MYT1L: variants seen among roughly 807,000 people sequenced by gnomAD.
MYT1L encodes the protein myelin transcription factor 1-like protein.
A neutral mutation model predicts 126.7 loss-of-function variants in MYT1L; 12 were observed. The observed-to-expected ratio is 0.09, with a 90% CI of 0.06 to 0.15. The LOEUF is 0.15. Among genes scored for constraint, MYT1L ranks in the 10% least tolerant of loss-of-function variants. MYT1L has a pLI of 1.00. For missense variants in MYT1L, 979 were observed against 1,585.2 expected (o/e 0.62, Z 6.49); for synonymous variants, 541 against 604.2 (o/e 0.90, Z 1.53).
chr2:2,157,840 G>T (rs2086979617), intron 3 of MYT1L, among the ~76,000 whole-genome samples: 1 of 152,118 alleles, frequency 6.6e-6, no homozygotes, highest in African/African-American at 2.4e-5. Flanking sequence ...GCTTTTTGGT[G>T]CAGCAGTCAG....
chr2:2,112,990 GC>G (rs1228194771), intron 3 of MYT1L, among the ~76,000 whole-genome samples: 1 of 152,144 alleles, frequency 6.6e-6, no homozygotes, highest in East Asian at 1.9e-4. Flanking sequence ...TGCTTGGAAG[GC>G]AGCAAGTGCT....
chr2:1,903,094 T>C lies in MYT1L; in HGVS notation c.2018A>G (p.Lys673Arg). The change falls in exon 14 of 25, where the codon AAA becomes AGA. Residue 673 changes from lysine (K) to arginine (R), a missense_variant. By Grantham distance (26) the Lys-to-Arg change is conservative. Transcript: ENST00000647738. ...PKVQTRDISP[K>R]GYDDAKRYCK... is the part of the protein sequence containing the mutation. ...GCACCTCCTACCATCATCATATCCTTTGGGGGATATATCCCTGGTTTGCAC... is the reference window on the plus strand; with the variant it reads ...GCACCTCCTACCATCATCATATCCTCTGGGGGATATATCCCTGGTTTGCAC... The C allele has an allele frequency of 6.2e-7, 1 of 1,613,128 alleles. No homozygotes were observed. The highest frequency in any genetic ancestry group is 8.5e-7 in the Non-Finnish European group (1 of 1,179,094).
At chr2:1,957,563 C>T (rs1280352036) in intron 8 of MYT1L, among the ~76,000 whole-genome samples, 2 of 151,984 alleles carry the variant, frequency 1.3e-5, no homozygotes, top group African/African-American at 4.8e-5. Flanking sequence ...TCCCTCTCCC[C>T]ATCTATCAAT....
At chr2:2,108,847 C>G (rs1438440200) in intron 3 of MYT1L, among the ~76,000 whole-genome samples, 1 of 152,078 alleles carries the variant, frequency 6.6e-6, no homozygotes, top group African/African-American at 2.4e-5. Context: ...AATATATTTT[C>G]TACACCTCCT....
intron 5 of MYT1L, among the ~76,000 whole-genome samples, chr2:1,994,382 C>T (rs780820593): frequency 5.9e-5 from 9 of 151,816 alleles, no homozygotes; most frequent in Non-Finnish European, 1.3e-4. Flanking sequence ...GCCCTGCTCC[C>T]TCCTCCCAGC....
At chr2:2,242,749 G>A (rs752145763) in intron 2 of MYT1L, among the ~76,000 whole-genome samples, 1 of 152,184 alleles carries the variant, frequency 6.6e-6, no homozygotes, top group African/African-American at 2.4e-5. Flanking sequence ...TTTTGGTCTA[G>A]TGAGTGGGCA....
At chr2:2,174,735 T>C (rs1169859449) in intron 2 of MYT1L, among the ~76,000 whole-genome samples, 1 of 152,090 alleles carries the variant, frequency 6.6e-6, no homozygotes, top group Non-Finnish European at 1.5e-5. Flanking sequence ...GACATAATAT[T>C]ATGATTTAAA....
At chr2:1,879,822 A>C (rs537943488) in intron 18 of MYT1L, among the ~76,000 whole-genome samples, 19 of 151,918 alleles carry the variant, frequency 1.3e-4, no homozygotes, top group Non-Finnish European at 2.4e-4. Context: ...TAGGTTGTAT[A>C]AGATGCATTA....
intron 2 of MYT1L, among the ~76,000 whole-genome samples, chr2:2,207,947 T>C (rs1559340183): frequency 6.6e-6 from 1 of 152,142 alleles, no homozygotes; most frequent in Non-Finnish European, 1.5e-5. Context: ...TGTAACTCCC[T>C]TCTACTGGGG....
intron 15 of MYT1L, among the ~76,000 whole-genome samples, chr2:1,890,050 A>G (rs1390503647): frequency 1.3e-5 from 2 of 148,666 alleles, no homozygotes; most frequent in Non-Finnish European, 3.0e-5. Flanking sequence ...GAATAAACTA[A>G]AATTTACCTT....
At chr2:2,309,387 T>A (rs1321715929) in intron 1 of MYT1L, among the ~76,000 whole-genome samples, 1 of 151,770 alleles carries the variant, frequency 6.6e-6, no homozygotes, top group Non-Finnish European at 1.5e-5. Context: ...GTATACTCTG[T>A]CTATCCTCCA....
At chr2:2,000,015 C>T (rs1234690282) in intron 4 of MYT1L, among the ~76,000 whole-genome samples, 1 of 152,332 alleles carries the variant, frequency 6.6e-6, no homozygotes, top group African/African-American at 2.4e-5. Flanking sequence ...AAAGAGCCAA[C>T]AGAACAAAGA....
intron 24 of MYT1L, 87 bp downstream of exon 24, chr2:1,792,234 A>T (rs2032236707): frequency 6.9e-7 from 1 of 1,451,316 alleles, no homozygotes; most frequent in African/African-American, 1.4e-5. Context: ...CTGAAGAACC[A>T]TGAAAATAAC....
intron 4 of MYT1L, among the ~76,000 whole-genome samples, chr2:2,005,532 A>ATGTG (rs2063191359): frequency 9.4e-5 from 1 of 10,610 alleles, no homozygotes; most frequent in African/African-American, 3.6e-4. Context: ...TCCTGCAGGC[A>ATGTG]TTCTTTCCTG....
At chr2:2,120,856 A>G (rs2147882837) in intron 3 of MYT1L, among the ~76,000 whole-genome samples, 1 of 151,640 alleles carries the variant, frequency 6.6e-6, no homozygotes, top group Middle Eastern at 3.4e-3. Flanking sequence ...CGACCACCGA[A>G]GATTCCTACC....
chr2:2,062,543 G>C (rs768732659), intron 3 of MYT1L, among the ~76,000 whole-genome samples: 1 of 152,114 alleles, frequency 6.6e-6, no homozygotes, highest in Non-Finnish European at 1.5e-5. Flanking sequence ...CCTCTGTCTT[G>C]ATTTACTTGT....
At chr2:2,070,631 C>G (rs2074491611) in intron 3 of MYT1L, among the ~76,000 whole-genome samples, 1 of 152,218 alleles carries the variant, frequency 6.6e-6, no homozygotes, top group Non-Finnish European at 1.5e-5. Flanking sequence ...GTCACGTACA[C>G]CATGCATTCA....
At chr2:2,155,624 T>C (rs767848430) in intron 3 of MYT1L, among the ~76,000 whole-genome samples, 1 of 152,190 alleles carries the variant, frequency 6.6e-6, no homozygotes, top group Non-Finnish European at 1.5e-5. Context: ...CATTGCAATA[T>C]GTTGCCTTCA....
At position 2,016,777 on chromosome 2, in the gene MYT1L, G is replaced by A. The variant is rs115453647; in HGVS notation, c.-157-19430C>T. ...ATGCATCTGTAATCATCTAGATCAC[G>A]TGAAGACACGAAACCACATAGGAGC... On this transcript the variant is annotated intron_variant, in intron 4 of 24. Coordinates refer to ENST00000647738, the MANE Select transcript of MYT1L (RefSeq NM_001303052.2). Among the ~76,000 whole-genome samples the A allele has an allele frequency of 8.3e-3, 1,270 of 152,338 alleles. 22 individuals are homozygous for A. The highest frequency in any genetic ancestry group is 0.029 in the African/African-American group (1,189 of 41,564).
Sources: allele counts gnomAD v4.1 joint callset (sites outside exome capture counted in the v4.1 genomes callset), GRCh38; gene constraint gnomAD v4.1.1; transcripts MANE v1.5; gene names NCBI Gene and HGNC (gene_info 2026-07-23, HGNC 2026-07-21).